Variants in ZNF804B observed in about 807,000 individuals in gnomAD.
ZNF804B encodes the protein zinc finger protein 804B.
In ZNF804B, 80 loss-of-function variants were observed where a neutral mutation model predicts 101.4. The observed-to-expected ratio is 0.79, with a 90% CI of 0.66 to 0.95. The LOEUF is 0.95. ZNF804B is among the 40% of genes least tolerant of loss of function. The probability of loss-of-function intolerance (pLI) is 0.00; values close to 1 mark genes in which losing one functional copy is unlikely to be tolerated. For synonymous variants in ZNF804B, 622 were observed against 558.8 expected (o/e 1.11, Z -1.59); for missense variants, 1,673 against 1,561.9 (o/e 1.07, Z -1.20).
At chr7:89,233,206 G>A (rs573501031) in intron 2 of ZNF804B, among the ~76,000 whole-genome samples, 5 of 152,246 alleles carry the variant, frequency 3.3e-5, no homozygotes, top group Admixed American at 6.5e-5. Flanking sequence ...GATTACAGGC[G>A]TGAGCCACCG....
intron 1 of ZNF804B, among the ~76,000 whole-genome samples, chr7:88,985,386 G>A (rs989464446): frequency 6.6e-6 from 1 of 151,766 alleles, no homozygotes; most frequent in Admixed American, 6.6e-5. Flanking sequence ...TAAAATTCAA[G>A]GCACTACCCT....
intron 2 of ZNF804B, among the ~76,000 whole-genome samples, chr7:89,243,230 A>G (rs563188078): frequency 1.3e-5 from 2 of 151,976 alleles, no homozygotes; most frequent in Non-Finnish European, 1.5e-5. Context: ...TAAAACATAA[A>G]TGAAATCAGG....
At chr7:88,987,902 C>T (rs1237442288) in intron 1 of ZNF804B, among the ~76,000 whole-genome samples, 3 of 151,642 alleles carry the variant, frequency 2.0e-5, no homozygotes, top group Non-Finnish European at 2.9e-5. Context: ...TTCTTAATCC[C>T]CTCCTCCTCC....
intron 1 of ZNF804B, among the ~76,000 whole-genome samples, chr7:88,995,107 A>G (rs891486389): frequency 2.6e-5 from 4 of 152,028 alleles, no homozygotes; most frequent in East Asian, 1.9e-4. Context: ...TCGCCTGCCT[A>G]TCTATTGCCA....
intron 1 of ZNF804B, among the ~76,000 whole-genome samples, chr7:88,788,004 T>C (rs1324918038): frequency 6.6e-6 from 1 of 152,132 alleles, no homozygotes; most frequent in African/African-American, 2.4e-5. Flanking sequence ...TCTAGGATAA[T>C]TTTTGAATTT....
At chr7:89,195,442 A>G (rs1184419670) in intron 1 of ZNF804B, among the ~76,000 whole-genome samples, 1 of 142,616 alleles carries the variant, frequency 7.0e-6, no homozygotes, top group African/African-American at 2.7e-5. Context: ...AGAAAACCCC[A>G]TTGTCTCAGC....
chr7:88,811,507 T>G (rs143062169), intron 1 of ZNF804B, among the ~76,000 whole-genome samples: 1 of 152,248 alleles, frequency 6.6e-6, no homozygotes, highest in Non-Finnish European at 1.5e-5. Flanking sequence ...CATTCTATTA[T>G]AAAGGTACAT....
At chr7:88,890,228 T>C (rs947787058) in intron 1 of ZNF804B, among the ~76,000 whole-genome samples, 3 of 152,160 alleles carry the variant, frequency 2.0e-5, no homozygotes, top group Non-Finnish European at 4.4e-5. Context: ...CTCTGAACTA[T>C]TTTTAGTATT....
At chr7:89,221,691 T>TTTCTTTTCTATTCTA (rs1554380478) in intron 2 of ZNF804B, among the ~76,000 whole-genome samples, 12 of 142,594 alleles carry the variant, frequency 8.4e-5, no homozygotes, top group African/African-American at 3.1e-4. Flanking sequence ...TTCCTCAATA[T>TTTCTTTTCTATTCTA]TTCTATTCTA....
At chr7:88,913,457 C>T (rs928082756) in intron 1 of ZNF804B, among the ~76,000 whole-genome samples, 4 of 152,086 alleles carry the variant, frequency 2.6e-5, no homozygotes, top group African/African-American at 7.2e-5. Context: ...TGCAGTGGTG[C>T]AATCTTGGCT....
At chr7:88,774,798 C>T (rs1043240843) in intron 1 of ZNF804B, among the ~76,000 whole-genome samples, 1 of 151,972 alleles carries the variant, frequency 6.6e-6, no homozygotes, top group East Asian at 1.9e-4. Flanking sequence ...ATTGTAGAGA[C>T]CACAAAAAGG....
intron 1 of ZNF804B, among the ~76,000 whole-genome samples, chr7:88,857,543 C>T (rs151198114): frequency 6.6e-6 from 1 of 152,246 alleles, no homozygotes; most frequent in East Asian, 1.9e-4. Context: ...GACACCTACA[C>T]CCTCCCAAGA....
At chr7:88,870,400 A>AAAAAAAAAAAAAAAAAAAAAAAAAAG (rs781332488) in intron 1 of ZNF804B, among the ~76,000 whole-genome samples, 20 of 112,676 alleles carry the variant, frequency 1.8e-4, no homozygotes, top group African/African-American at 5.5e-4. Context: ...AAAAAAAAAA[A>AAAAAAAAAAAAAAAAAAAAAAAAAAG]AAAAAAAGGT....
chr7:89,128,836 C>G (rs1010825473), intron 1 of ZNF804B, among the ~76,000 whole-genome samples: 1 of 151,910 alleles, frequency 6.6e-6, no homozygotes, highest in African/African-American at 2.4e-5. Flanking sequence ...GAGTGAGAAC[C>G]AGCTCTGTAA....
At chr7:89,278,796 C>G (rs1471960659) in intron 2 of ZNF804B, among the ~76,000 whole-genome samples, 2 of 151,220 alleles carry the variant, frequency 1.3e-5, no homozygotes, top group African/African-American at 4.9e-5. Flanking sequence ...ATGCCTCCAG[C>G]TTTGTTCTTT....
chr7:88,916,064 T>A (rs1180029319), intron 1 of ZNF804B, among the ~76,000 whole-genome samples: 1 of 152,028 alleles, frequency 6.6e-6, no homozygotes, highest in Admixed American at 6.6e-5. Context: ...TTAAAAAAAA[T>A]ATTGATCACT....
At chr7:88,993,775 G>A (rs927125572) in intron 1 of ZNF804B, among the ~76,000 whole-genome samples, 3 of 151,810 alleles carry the variant, frequency 2.0e-5, no homozygotes, top group Non-Finnish European at 2.9e-5. Flanking sequence ...TTGGATTAAG[G>A]CTCTGCTATA....
intron 1 of ZNF804B, among the ~76,000 whole-genome samples, chr7:88,775,548 T>C (rs1234646299): frequency 6.6e-6 from 1 of 152,236 alleles, no homozygotes; most frequent in African/African-American, 2.4e-5. Context: ...CATGACTTTT[T>C]TGTTGTTGTT....
intron 1 of ZNF804B, among the ~76,000 whole-genome samples, chr7:88,829,263 A>C (rs10231039): frequency 6.6e-6 from 1 of 151,680 alleles, no homozygotes; most frequent in Non-Finnish European, 1.5e-5. Context: ...AACATTTTTA[A>C]TTTTTTTAAA....
Sources: gnomAD v4.1 joint callset for allele counts (sites outside exome capture counted in the v4.1 genomes callset) on GRCh38, gnomAD v4.1.1 for gene constraint, MANE v1.5 for transcripts, NCBI Gene and HGNC (gene_info 2026-07-23, HGNC 2026-07-21) for gene names.